The following CMTR1 variants were observed in gnomAD, a reference collection of about 807,000 sequenced individuals.
CMTR1 encodes cap-specific mRNA (nucleoside-2'-O-)-methyltransferase 1.
In CMTR1, 39 loss-of-function variants were observed where a neutral mutation model predicts 107.0. The observed-to-expected ratio is 0.36, with a 90% confidence interval of 0.28 to 0.48. CMTR1 has a LOEUF of 0.48. Among genes scored for constraint, CMTR1 ranks in the 20% least tolerant of loss-of-function variants. The pLI is 0.99. For missense variants in CMTR1, 672 were observed against 1,064.9 expected (o/e 0.63, Z 5.14); for synonymous variants, 366 against 379.5 (o/e 0.96, Z 0.41).
chr6:37,454,990 G>A (rs1402107603), intron 8 of CMTR1, among the ~76,000 whole-genome samples: 2 of 152,052 alleles, frequency 1.3e-5, no homozygotes, highest in African/African-American at 4.8e-5. Flanking sequence ...ATGGCTCTTG[G>A]ATCAGGCAAA....
At position 37,481,158 on chromosome 6, in the gene CMTR1, C is replaced by T; in HGVS notation, c.*1013C>T. On this transcript the variant is annotated 3_prime_UTR_variant, in exon 24 of 24. Transcript: ENST00000373451. ...GCTTTTGTTTGTCGTTAAGTGGTCA[C>T]TCCCATTTCCTTTATCTTGGCCGAC... The T allele has an allele frequency of 7.7e-7, 1 of 1,303,988 alleles. No homozygotes were observed. Among genetic ancestry groups the T allele is most frequent in the Non-Finnish European group, 1.0e-6 (1 of 988,918 alleles). 80.8% of individuals were successfully genotyped at this position (1,303,988 alleles called of 1,614,324 possible). A position where few individuals can be genotyped will look rare whatever the true frequency, so the allele number is the denominator to read the frequency against.
chr6:37,465,510 T>C (rs1055875358), intron 13 of CMTR1, among the ~76,000 whole-genome samples: 2 of 152,214 alleles, frequency 1.3e-5, no homozygotes, highest in Non-Finnish European at 2.9e-5. Context: ...GTATATCTTA[T>C]TTTATGAAGT....
In CMTR1 at chr6:37,476,141, G is replaced by A. The variant is rs749026435; in HGVS notation, c.2052G>A (p.Glu684=). ...TGGATTGTAGAATTCAGCTTGCCGA[G>A]AAATTTGTGAAAGCCGTTTCCAAGC... is the stretch of plus-strand genomic sequence containing the variant. ...QHFNQRIQLA[E]KFVKAVSKPS... is the part of the protein sequence containing the mutation. The change falls in exon 20 of 24, where the codon GAG becomes GAA. Residue 684 remains glutamate, a synonymous_variant. Transcript: ENST00000373451. The A allele has an allele frequency of 6.2e-7, 1 of 1,614,108 alleles. No individual in the cohort carries two copies.
rs752607598 is a variant in CMTR1 at position 37,462,928 on chromosome 6, C to T, written c.1425C>T (p.Ser475=). ...TCAATCAGCTGCGGAACACGGATTCCGACGTCAACTTGGTGGTCCCCCTGG... is the reference window on the plus strand; with the variant it reads ...TCAATCAGCTGCGGAACACGGATTCTGACGTCAACTTGGTGGTCCCCCTGG... ...IKLNQLRNTD[S]DVNLVVPLEV... Residue 475 remains serine (S), a synonymous_variant, in exon 13 of 24, where the codon TCC becomes TCT. Transcript: ENST00000373451. The T allele has an allele frequency of 6.2e-5, 100 of 1,614,000 alleles. 1 individual carries two copies. Among genetic ancestry groups the T allele is most frequent in the Admixed American group, 1.7e-4 (10 of 60,000 alleles).
intron 10 of CMTR1, among the ~76,000 whole-genome samples, chr6:37,460,832 C>T (rs192807905): frequency 1.3e-5 from 2 of 152,262 alleles, no homozygotes; most frequent in South Asian, 2.1e-4. Flanking sequence ...AGAAACTGTA[C>T]CCATTTAACA....
chr6:37,447,764 G>T (rs181821129), intron 4 of CMTR1, among the ~76,000 whole-genome samples: 1 of 152,072 alleles, frequency 6.6e-6, no homozygotes, highest in Non-Finnish European at 1.5e-5. Context: ...AGAGGCTAAG[G>T]CAGGAGAATC....
rs201318299 is a variant in CMTR1, at chr6:37,461,640, G to A, written c.1187G>A (p.Arg396Gln). Residue 396 changes from arginine (R) to glutamine (Q), a missense_variant, in exon 11 of 24, where the codon CGG becomes CAG. Transcript: ENST00000373451. ...TTCCTCATGGCGCTGTCCATTGTCC[G>A]GACAGGTGACACTTCCTCAGCTGTC... is the stretch of plus-strand genomic sequence containing the variant. ...CQFLMALSIV[R>Q]TGGHFICKTF... 21 of 1,597,382 alleles carry A rather than the reference G, an allele frequency of 1.3e-5. No homozygotes were observed. The highest frequency in any genetic ancestry group is 1.6e-5 in the Non-Finnish European group (19 of 1,169,486).
chr6:37,429,364 C>T (rs138288729), upstream of CMTR1, among the ~76,000 whole-genome samples: 1,671 of 152,202 alleles, frequency 0.011, 18 homozygotes, highest in South Asian at 0.044. Flanking sequence ...AAAAACACAA[C>T]ATAAAATTTA....
intron 8 of CMTR1, 55 bp downstream of exon 8, chr6:37,453,367 G>A (rs1303895247): frequency 2.0e-6 from 3 of 1,496,936 alleles, no homozygotes; most frequent in African/African-American, 2.8e-5. Flanking sequence ...TTAAGTTTCA[G>A]TGGCTCAGCC....
At chr6:37,436,269 A>G (rs1771529531) in intron 2 of CMTR1, 1 of 152,320 alleles carries the variant, frequency 6.6e-6, no homozygotes, top group Non-Finnish European at 1.5e-5. Context: ...GATTTCACTA[A>G]TCTGGTTGAA....
intron 16 of CMTR1, 136 bp from the exon 17 acceptor site, chr6:37,473,334 G>T (rs1761666901): frequency 2.3e-6 from 2 of 868,000 alleles, no homozygotes; most frequent in Non-Finnish European, 3.6e-6. Context: ...GGTAGAGAAG[G>T]GGGTGCAGGG....
upstream of CMTR1, among the ~76,000 whole-genome samples, chr6:37,428,430 G>A (rs1355295907): frequency 2.0e-5 from 3 of 152,016 alleles, no homozygotes; most frequent in African/African-American, 7.2e-5. Flanking sequence ...GGGTTCCCTG[G>A]CTCTGTTTGT....
chr6:37,424,761 A>T, the CMTR1 span, among the ~76,000 whole-genome samples: 15 of 152,264 alleles, frequency 9.9e-5, no homozygotes, highest in East Asian at 2.9e-3. Context: ...GCTAGCTTTT[A>T]TAATTGTCCA....
chr6:37,446,217 G>A, intron 3 of CMTR1, 74 bp from the exon 4 acceptor site: 1 of 1,487,170 alleles, frequency 6.7e-7, no homozygotes, highest in South Asian at 1.2e-5. Context: ...TTAGCACACT[G>A]TTTGGCATGT....
At chr6:37,462,793 C>CCTTGCT in intron 12 of CMTR1, 36 bp from the exon 13 acceptor site, 1 of 1,601,762 alleles carries the variant, frequency 6.2e-7, no homozygotes, top group African/African-American at 1.3e-5. Flanking sequence ...GGGAGGAAGC[C>CCTTGCT]CTTGCTCGGT....
intron 5 of CMTR1, among the ~76,000 whole-genome samples, chr6:37,451,512 A>G (rs1268469652): frequency 2.6e-5 from 4 of 152,102 alleles, no homozygotes; most frequent in Non-Finnish European, 2.9e-5. Context: ...GACAGCTTGA[A>G]TGTCTCCTTC....
At position 37,458,542 on chromosome 6, in the gene CMTR1, A is replaced by C; in HGVS notation, c.778-70A>C. ...GAAAGGCTTATTTTACTCTCCCTGC[A>C]TTCTCCTTCCTGTTGCCCATTGAGC... On this transcript the variant is annotated intron_variant, in intron 8 of 23. Coordinates refer to ENST00000373451, the MANE Select transcript of CMTR1 (RefSeq NM_015050.3). The surrounding 1 kb of genome is among the most constrained non-coding windows in gnomAD (Gnocchi z 4.7). 6.8e-7 allele frequency: 1 copy of C among 1,480,728 alleles called. No individual in the cohort carries two copies. Among genetic ancestry groups the C allele is most frequent in the South Asian group, 1.2e-5 (1 of 83,544 alleles). 91.7% of individuals were successfully genotyped at this position (1,480,728 alleles called of 1,614,324 possible). A position where few individuals can be genotyped will look rare whatever the true frequency, so the allele number is the denominator to read the frequency against.
rs949802829 is a variant in CMTR1 at position 37,472,062 on chromosome 6, G to A, written c.1620+158G>A. Reference sequence around the variant, plus strand: ...GGTTGACATCTCGGCATTGTTGGTAGTTACGTCCTTGGCCCTTTCACTGCT... The same window carrying A: ...GGTTGACATCTCGGCATTGTTGGTAATTACGTCCTTGGCCCTTTCACTGCT... On this transcript the variant is annotated intron_variant, in intron 15 of 23. Coordinates refer to ENST00000373451, the MANE Select transcript of CMTR1 (RefSeq NM_015050.3). The surrounding 1 kb of genome is among the most constrained non-coding windows in gnomAD (Gnocchi z 4.1). Among the ~76,000 whole-genome samples the A allele has an allele frequency of 2.6e-5, 4 of 152,218 alleles. No homozygotes were observed. The highest frequency in any genetic ancestry group is 1.9e-4 in the East Asian group (1 of 5,194).
At chr6:37,441,703 T>C (rs1771680980) in intron 2 of CMTR1, among the ~76,000 whole-genome samples, 1 of 152,200 alleles carries the variant, frequency 6.6e-6, no homozygotes, top group Non-Finnish European at 1.5e-5. Context: ...TGAGCTACCG[T>C]GCCTGGACCT....
Sources: allele counts gnomAD v4.1 joint callset (sites outside exome capture counted in the v4.1 genomes callset), GRCh38; gene constraint gnomAD v4.1.1; non-coding constraint Gnocchi (gnomAD v3.1); transcripts MANE v1.5; gene names NCBI Gene and HGNC (gene_info 2026-07-23, HGNC 2026-07-21).